Variants in NBL1 observed in about 807,000 individuals in gnomAD.
NBL1 encodes NBL1, DAN family BMP antagonist, also known as neuroblastoma suppressor of tumorigenicity 1.
In NBL1, 9 loss-of-function variants were observed where a neutral mutation model predicts 16.0. That is an observed-to-expected ratio of 0.56 (90% CI 0.34 to 0.98). The LOEUF (loss-of-function observed/expected upper bound fraction) is 0.98, where lower values mean the gene tolerates loss of function less well. NBL1 is among the 50% of genes least tolerant of loss of function. The probability of loss-of-function intolerance (pLI) is 0.02; values close to 1 mark genes in which losing one functional copy is unlikely to be tolerated. For synonymous variants in NBL1, 86 were observed against 100.7 expected (o/e 0.85, Z 0.87); for missense variants, 196 against 243.1 (o/e 0.81, Z 1.29).
At chr1:19,646,110 G>A in intron 1 of NBL1, 1 of 1,504,954 alleles carries the variant, frequency 6.6e-7, no homozygotes, top group Non-Finnish European at 9.0e-7. Flanking sequence ...AGGCCTGGGT[G>A]GCACGGGGTC....
Position 19,644,493 on chromosome 1 carries a change from T to C in NBL1, c.-20+47T>C. ...ACGCGGGCGCCCGGCTTCCAGAGGC[T>C]TCGGCCGCGGGGGCAGTGCCGCGCC... On this transcript the variant is annotated intron_variant, in intron 1 of 3. Coordinates refer to ENST00000375136, the MANE Select transcript of NBL1 (RefSeq NM_005380.8). This position sits in a 1 kb window ranked among gnomAD's most constrained non-coding sequence, Gnocchi z 4.6. The C allele has an allele frequency of 3.1e-6, 3 of 965,620 alleles. No individual in the cohort carries two copies. Among genetic ancestry groups the C allele is most frequent in the Non-Finnish European group, 3.7e-6 (3 of 814,984 alleles). The allele number at this position is 965,620 out of a possible 1,614,324, so 59.8% of individuals were successfully genotyped here.
chr1:19,651,424 G>A (rs756304900), intron 1 of NBL1, among the ~76,000 whole-genome samples: 10 of 152,192 alleles, frequency 6.6e-5, no homozygotes, highest in Admixed American at 1.3e-4. Context: ...GCCTCAGTTC[G>A]TCTCATTTCT....
chr1:19,652,005 A>G (rs2095028600), intron 1 of NBL1, among the ~76,000 whole-genome samples: 1 of 152,114 alleles, frequency 6.6e-6, no homozygotes. Context: ...GGCCTCCCAA[A>G]GTGCTAGAAT....
At chr1:19,648,646 A>G (rs2100407357) in intron 1 of NBL1, among the ~76,000 whole-genome samples, 1 of 152,216 alleles carries the variant, frequency 6.6e-6, no homozygotes, top group Admixed American at 6.5e-5. Flanking sequence ...CTCAGTTTCC[A>G]CGGTGCCAAA....
upstream of NBL1, chr1:19,643,681 T>A: frequency 8.3e-7 from 1 of 1,206,258 alleles, no homozygotes; most frequent in Non-Finnish European, 1.0e-6. The surrounding 1 kb of genome is among the most constrained non-coding windows in gnomAD (Gnocchi z 4.7). Context: ...CTTTTCGGGA[T>A]GCTTAAGCCA....
chr1:19,656,179 A>G (rs2095055359), intron 3 of NBL1, among the ~76,000 whole-genome samples: 1 of 151,888 alleles, frequency 6.6e-6, no homozygotes, highest in Non-Finnish European at 1.5e-5. Flanking sequence ...GAGCTGGCAC[A>G]GGGTAGGCGC....
upstream of NBL1, chr1:19,643,582 G>A: frequency 7.1e-7 from 1 of 1,406,324 alleles, no homozygotes; most frequent in Non-Finnish European, 9.2e-7. This position sits in a 1 kb window ranked among gnomAD's most constrained non-coding sequence, Gnocchi z 4.7. Context: ...AGGTGAGGCT[G>A]GAAGCTGGGG....
At chr1:19,643,609 TC>T, upstream of NBL1, 1 of 1,382,824 alleles carries the variant, frequency 7.2e-7, no homozygotes, top group Middle Eastern at 2.6e-4. This position sits in a 1 kb window ranked among gnomAD's most constrained non-coding sequence, Gnocchi z 4.7. Flanking sequence ...GCTCCACTCT[TC>T]CCAGGAGTCA....
intron 1 of NBL1, among the ~76,000 whole-genome samples, chr1:19,648,487 G>T (rs2745241): frequency 0.4 from 60,370 of 152,040 alleles, 12,116 homozygotes; most frequent in Admixed American, 0.45. Context: ...GGAAAGAGGT[G>T]TCACAGGCCT....
intron 1 of NBL1, among the ~76,000 whole-genome samples, chr1:19,647,208 T>C (rs2094986031): frequency 6.6e-6 from 1 of 152,068 alleles, no homozygotes; most frequent in African/African-American, 2.4e-5. Context: ...TTTGGGAGGC[T>C]GAAGTGGGAG....
At chr1:19,646,650 C>T (rs2094982163) in intron 1 of NBL1, among the ~76,000 whole-genome samples, 2 of 152,182 alleles carry the variant, frequency 1.3e-5, no homozygotes, top group African/African-American at 2.4e-5. Context: ...CCCAGCCACC[C>T]TCCACACCCT....
chr1:19,651,595 G>A (rs765416974), intron 1 of NBL1, among the ~76,000 whole-genome samples: 8 of 152,000 alleles, frequency 5.3e-5, no homozygotes, highest in South Asian at 2.1e-4. Context: ...CCACAGCCTC[G>A]GTTGTGACCT....
At chr1:19,647,670 G>C (rs1303252247) in intron 1 of NBL1, 1 of 985,398 alleles carries the variant, frequency 1.0e-6, no homozygotes, top group African/African-American at 1.7e-5. Context: ...TGAGCCCACA[G>C]GTAGAATCGT....
upstream of NBL1, chr1:19,643,469 T>G: frequency 6.3e-7 from 1 of 1,591,506 alleles, no homozygotes; most frequent in Non-Finnish European, 8.6e-7. The surrounding 1 kb of genome is among the most constrained non-coding windows in gnomAD (Gnocchi z 4.7). Context: ...GCCACCACTT[T>G]CCAGAAGCAA....
chr1:19,643,740 G>A (rs2094960935), upstream of NBL1: 6 of 1,074,024 alleles, frequency 5.6e-6, no homozygotes, highest in Admixed American at 2.9e-4. This position sits in a 1 kb window ranked among gnomAD's most constrained non-coding sequence, Gnocchi z 4.7. Flanking sequence ...GCAAGGCTGA[G>A]CAACCCAGGC....
chr1:19,653,790 C>A (rs2095040747), intron 1 of NBL1, among the ~76,000 whole-genome samples: 1 of 152,232 alleles, frequency 6.6e-6, no homozygotes, highest in African/African-American at 2.4e-5. Flanking sequence ...GCTTTTTGCA[C>A]TGGGGGGCAT....
At chr1:19,645,325 T>A (rs2094972046) in intron 1 of NBL1, 1 of 981,964 alleles carries the variant, frequency 1.0e-6, no homozygotes, top group African/African-American at 1.7e-5. Flanking sequence ...CAGGCCCTGC[T>A]GCGGGCCACC....
intron 1 of NBL1, among the ~76,000 whole-genome samples, chr1:19,653,139 T>C (rs2095036538): frequency 6.8e-6 from 1 of 147,884 alleles, no homozygotes; most frequent in Non-Finnish European, 1.5e-5. Context: ...TACAAAAAAT[T>C]AGTGGGGCAT....
intron 3 of NBL1, 60 bp downstream of exon 3, chr1:19,655,495 T>G (rs2095051222): frequency 1.3e-6 from 2 of 1,572,116 alleles, no homozygotes; most frequent in African/African-American, 2.7e-5. Context: ...AGCCTTGGCC[T>G]TTCTCCCCAG....
Sources: allele counts gnomAD v4.1 joint callset (sites outside exome capture counted in the v4.1 genomes callset), GRCh38; gene constraint gnomAD v4.1.1; non-coding constraint Gnocchi (gnomAD v3.1); transcripts MANE v1.5; gene names NCBI Gene and HGNC (gene_info 2026-07-23, HGNC 2026-07-21).